NDST4: variants seen among roughly 807,000 people sequenced by gnomAD.
The protein encoded by NDST4 is N-heparan sulfate sulfotransferase 4.
A neutral mutation model predicts 100.8 loss-of-function variants in NDST4; 63 were observed. The ratio of observed to expected loss-of-function variants is 0.62; its 90% confidence interval spans 0.51 to 0.77. The LOEUF (loss-of-function observed/expected upper bound fraction) is 0.77. Among genes scored for constraint, NDST4 ranks in the 30% least tolerant of loss-of-function variants. NDST4 has a pLI of 0.00. For synonymous variants in NDST4, 377 were observed against 361.8 expected (o/e 1.04, Z -0.48); for missense variants, 943 against 1,018.4 (o/e 0.93, Z 1.01).
At chr4:114,907,235 T>C (rs1724967971) in intron 6 of NDST4, among the ~76,000 whole-genome samples, 1 of 152,118 alleles carries the variant, frequency 6.6e-6, no homozygotes, top group African/African-American at 2.4e-5. Flanking sequence ...TTGGATTCAC[T>C]GTAGATGGAG....
At chr4:114,900,104 C>A (rs986712957) in intron 6 of NDST4, among the ~76,000 whole-genome samples, 13 of 152,094 alleles carry the variant, frequency 8.5e-5, no homozygotes, top group Admixed American at 5.2e-4. Flanking sequence ...CTTATGTTAT[C>A]AAATATGTAG....
At position 115,076,677 on chromosome 4, in the gene NDST4, A is replaced by G. The variant is rs1729191764; in HGVS notation, c.360T>C (p.Leu120=). 6.2e-7 allele frequency: 1 copy of G among 1,613,778 alleles called. No homozygotes were observed. The highest frequency in any genetic ancestry group is 1.7e-5 in the Admixed American group (1 of 59,980). Residue 120 remains leucine (L), a synonymous_variant, in exon 2 of 14, where the codon CTT becomes CTC. Coordinates refer to ENST00000264363, the MANE Select transcript of NDST4 (RefSeq NM_022569.3). ...IAPGKGDIPP[L]TDNGKGKYTL... The stretch of plus-strand genomic sequence containing the variant: ...TATATTTCCCTTTGCCATTATCTGT[A>G]AGAGGAGGTATATCTCCCTTTCCAG...
chr4:115,075,321 A>G (rs1332399623), intron 2 of NDST4, among the ~76,000 whole-genome samples: 9 of 152,116 alleles, frequency 5.9e-5, no homozygotes, highest in Admixed American at 1.3e-4. Context: ...CTGTTTCTCC[A>G]TTTTCTATTT....
chr4:114,971,478 C>T (rs1433400192), intron 3 of NDST4, among the ~76,000 whole-genome samples: 7 of 151,928 alleles, frequency 4.6e-5, no homozygotes, highest in Admixed American at 1.3e-4. Context: ...ATAGAGTTTT[C>T]GTATGATTTT....
chr4:114,840,032 A>G (rs1354389952), intron 10 of NDST4, among the ~76,000 whole-genome samples: 2 of 152,152 alleles, frequency 1.3e-5, no homozygotes, highest in Non-Finnish European at 2.9e-5. Context: ...CCACTGTTCC[A>G]TTACTGCCAC....
intron 6 of NDST4, among the ~76,000 whole-genome samples, chr4:114,872,860 T>G (rs761656244): frequency 6.6e-6 from 1 of 151,920 alleles, no homozygotes. Context: ...TGACATATAA[T>G]ATAACTGAAA....
chr4:114,863,568 C>T (rs1723964017), intron 7 of NDST4, among the ~76,000 whole-genome samples: 1 of 152,232 alleles, frequency 6.6e-6, no homozygotes, highest in African/African-American at 2.4e-5. Context: ...ATTCTCCAAT[C>T]TTATTGTTCC....
chr4:114,937,440 C>T lies in NDST4; in HGVS notation c.1285G>A (p.Val429Ile), dbSNP rs920229624. The T allele has an allele frequency of 1.2e-6, 2 of 1,612,242 alleles. No individual in the cohort carries two copies. Among genetic ancestry groups the T allele is most frequent in the Non-Finnish European group, 1.7e-6 (2 of 1,179,108 alleles). ...CAAGCTGCATACAGCTGAATGTGAA[C>T]CGGGTAGACCCCTGAGTGATGTGGG... is the stretch of plus-strand genomic sequence containing the variant. ...VAPHHSGVYP[V>I]HIQLYAAWKK... is the part of the protein sequence containing the mutation. Residue 429 changes from valine to isoleucine, a missense_variant, in exon 5 of 14, where the codon GTT (valine) becomes ATT (isoleucine). By Grantham distance (29) the Val-to-Ile change is conservative (BLOSUM62 3). Around this residue, in one of 2 missense-constraint regions of NDST4, gnomAD observed 526 missense variants for 634.1 expected, o/e 0.83. Transcript: ENST00000264363.
chr4:115,032,925 G>A (rs1728145127), intron 2 of NDST4, among the ~76,000 whole-genome samples: 1 of 151,738 alleles, frequency 6.6e-6, no homozygotes, highest in Non-Finnish European at 1.5e-5. Flanking sequence ...AAGCAAACAT[G>A]TTGATTCCTT....
intron 6 of NDST4, among the ~76,000 whole-genome samples, chr4:114,904,289 G>A (rs892390902): frequency 1.3e-5 from 2 of 151,646 alleles, no homozygotes; most frequent in Admixed American, 6.6e-5. Context: ...ACAACTAACA[G>A]AATAATTATC....
intron 7 of NDST4, among the ~76,000 whole-genome samples, chr4:114,864,926 A>G (rs1463438497): frequency 6.6e-6 from 1 of 152,128 alleles, no homozygotes; most frequent in African/African-American, 2.4e-5. Flanking sequence ...TTTACCCTAA[A>G]TGTCTATCTA....
At position 115,094,517 on chromosome 4, in the gene NDST4, C is replaced by T. The variant is rs542680635; in HGVS notation, c.-246-17235G>A. Among the ~76,000 whole-genome samples the T allele has an allele frequency of 9.9e-5, 15 of 151,868 alleles. No homozygotes were observed. In the East Asian group the frequency reaches 2.5e-3, roughly 26 times the overall value. ...GTAAAATTTGTAAACAAACATAAAC[C>T]AAGCCAGTTATCTATAAAAAGAATA... On this transcript the variant is annotated intron_variant, in intron 1 of 13. Transcript: ENST00000264363.
intron 7 of NDST4, among the ~76,000 whole-genome samples, chr4:114,869,257 A>C (rs572025850): frequency 2.5e-3 from 386 of 151,922 alleles, no homozygotes; most frequent in African/African-American, 8.9e-3. Flanking sequence ...ATTAAAAAAA[A>C]GTTTTTCCTT....
intron 1 of NDST4, among the ~76,000 whole-genome samples, chr4:115,092,880 TTAAC>T (rs1729546341): frequency 6.6e-6 from 1 of 152,062 alleles, no homozygotes; most frequent in South Asian, 2.1e-4. Context: ...TAAAAGTAAA[TTAAC>T]TAAATTATCT....
At chr4:115,077,970 C>T (rs28549159) in intron 1 of NDST4, among the ~76,000 whole-genome samples, 10,776 of 152,118 alleles carry the variant, frequency 0.071, 1,314 homozygotes, top group African/African-American at 0.25. Context: ...AAGCATATTT[C>T]CTAATTTTGC....
At chr4:115,108,907 G>C (rs1052808204) in intron 1 of NDST4, among the ~76,000 whole-genome samples, 8 of 151,464 alleles carry the variant, frequency 5.3e-5, no homozygotes, top group South Asian at 2.1e-4. Flanking sequence ...TTACACAAGA[G>C]AGCATGTAAG....
intron 6 of NDST4, among the ~76,000 whole-genome samples, chr4:114,879,714 T>A (rs1724327034): frequency 6.6e-6 from 1 of 152,162 alleles, no homozygotes; most frequent in Non-Finnish European, 1.5e-5. Flanking sequence ...CTTGATAACA[T>A]ACACTTCTTT....
At chr4:115,090,625 G>A (rs537952181) in intron 1 of NDST4, among the ~76,000 whole-genome samples, 30 of 151,926 alleles carry the variant, frequency 2.0e-4, no homozygotes, top group African/African-American at 7.2e-4. Flanking sequence ...TAAAAAATTT[G>A]ATTTTTTTAA....
rs116387100 is a variant in NDST4, at chr4:115,057,778, G to C, written c.978+18281C>G. Among the ~76,000 whole-genome samples the C allele has an allele frequency of 3.6e-3, 547 of 151,106 alleles. 6 individuals are homozygous for C. Among genetic ancestry groups the C allele is most frequent in the African/African-American group, 0.013 (526 of 41,178 alleles). ...CACACACCAAAAAGGGCAGTGTTCA[G>C]ATATGAAATTCCTATTTATCTCCAT... On this transcript the variant is annotated intron_variant, in intron 2 of 13. Transcript: ENST00000264363.
Sources: allele counts gnomAD v4.1 joint callset (sites outside exome capture counted in the v4.1 genomes callset), GRCh38; gene constraint gnomAD v4.1.1; regional missense constraint gnomAD v4.1.1; transcripts MANE v1.5; gene names NCBI Gene and HGNC (gene_info 2026-07-23, HGNC 2026-07-21).